The following MATN2 variants were observed in gnomAD, a reference collection of about 807,000 sequenced individuals.
MATN2 encodes the protein matrilin 2.
In MATN2, 69 loss-of-function variants were observed where a neutral mutation model predicts 103.2. The observed-to-expected ratio is 0.67, with a 90% CI of 0.55 to 0.82. The LOEUF (loss-of-function observed/expected upper bound fraction) is 0.82. MATN2 is among the 40% of genes least tolerant of loss of function. MATN2 has a pLI of 0.00. For synonymous variants in MATN2, 429 were observed against 450.2 expected, an observed-to-expected ratio of 0.95 and a Z score of 0.60; for missense variants, 1,023 against 1,211.5, an observed-to-expected ratio of 0.84 and a Z score of 2.31.
intron 2 of MATN2, among the ~76,000 whole-genome samples, chr8:97,920,366 C>T (rs1355815773): frequency 6.6e-6 from 1 of 152,130 alleles, no homozygotes; most frequent in East Asian, 1.9e-4. Flanking sequence ...CGCCACCATG[C>T]CTGGCTAATT....
chr8:97,937,305 C>G (rs1245108177), intron 3 of MATN2, among the ~76,000 whole-genome samples: 1 of 152,118 alleles, frequency 6.6e-6, no homozygotes, highest in Admixed American at 6.5e-5. Flanking sequence ...GGTGTCTGTA[C>G]TGAGGTCCCT....
intron 2 of MATN2, 35 bp downstream of exon 2, chr8:97,888,277 G>C (rs748507015): frequency 2.7e-6 from 4 of 1,479,212 alleles, no homozygotes; most frequent in Non-Finnish European, 3.6e-6. Context: ...AAGTGGGCAG[G>C]TGGGGGTGGT....
rs201014732 is a variant in MATN2 at position 98,007,205 on chromosome 8, C to A, written c.1428C>A (p.Asn476Lys). Residue 476 changes from asparagine (N) to lysine (K), a missense_variant, in exon 9 of 19, where the codon AAC becomes AAA. Coordinates refer to ENST00000254898, the MANE Select transcript of MATN2 (RefSeq NM_002380.5). This position sits in a 1 kb window ranked among gnomAD's most constrained non-coding sequence, Gnocchi z 4.2. ...AGTGCTCAGAAGGCTTCCTCATCAA[C>A]GAGGACCTCAAGACCTGCTCCCGTG... ...VCQCSEGFLI[N>K]EDLKTCSRVD... The A allele has an allele frequency of 3.1e-6, 5 of 1,613,898 alleles. No homozygotes were observed. Among genetic ancestry groups the A allele is most frequent in the South Asian group, 1.1e-5 (1 of 91,068 alleles).
At chr8:97,997,167 A>G (rs1206985827) in intron 7 of MATN2, among the ~76,000 whole-genome samples, 1 of 152,248 alleles carries the variant, frequency 6.6e-6, no homozygotes, top group Non-Finnish European at 1.5e-5. Flanking sequence ...ATGTGGGTTC[A>G]TCCCCTGTGC....
rs1810423770 is a variant in MATN2, at chr8:97,937,713, C to G, written c.713-4064C>G. 1.3e-5 allele frequency among the ~76,000 whole-genome samples: 2 copies of G among 151,588 alleles called. 1 individual carries two copies. Among genetic ancestry groups the G allele is most frequent in the Admixed American group, 1.3e-4 (2 of 15,202 alleles). On this transcript the variant is annotated intron_variant, in intron 3 of 18. Coordinates refer to ENST00000254898, the MANE Select transcript of MATN2 (RefSeq NM_002380.5). ...AAGCAATTCTCCTGCCTCAGCCTCC[C>G]AAGTAGCTGAGCCCACCACCATGCC...
At chr8:97,960,108 C>G (rs981952609) in intron 4 of MATN2, among the ~76,000 whole-genome samples, 2 of 152,124 alleles carry the variant, frequency 1.3e-5, no homozygotes, top group African/African-American at 4.8e-5. Flanking sequence ...AGGCGCGTGC[C>G]ACCACGCCAA....
Position 97,931,296 on chromosome 8 carries a change from A to G in MATN2, c.486A>G (p.Pro162=). The change falls in exon 3 of 19, where the codon CCA becomes CCG. Residue 162 remains proline (P), a synonymous_variant. Coordinates refer to ENST00000254898, the MANE Select transcript of MATN2 (RefSeq NM_002380.5). The surrounding 1 kb of genome is among the most constrained non-coding windows in gnomAD (Gnocchi z 4.1). ...EGARPLRENV[P]RVIMIVTDGR... is the part of the protein sequence containing the mutation. ...CCCGGCCCCTGAGGGAGAATGTGCC[A>G]CGGGTCATAATGATCGTGACAGATG... The G allele has an allele frequency of 1.2e-6, 2 of 1,613,926 alleles. No individual in the cohort carries two copies. The highest frequency in any genetic ancestry group is 1.7e-6 in the Non-Finnish European group (2 of 1,179,880).
chr8:97,942,310 G>T, intron 4 of MATN2, among the ~76,000 whole-genome samples: 1 of 152,238 alleles, frequency 6.6e-6, no homozygotes. Flanking sequence ...TGTTAACCTC[G>T]GCTGGGAGTG....
At chr8:97,977,822 C>T (rs918338113) in intron 5 of MATN2, among the ~76,000 whole-genome samples, 3 of 152,146 alleles carry the variant, frequency 2.0e-5, no homozygotes, top group African/African-American at 2.4e-5. Context: ...TCCTGGCCTT[C>T]GCACTTGCTG....
chr8:97,869,433 G>A (rs2129905461), intron 1 of MATN2, 146 bp downstream of exon 1: 1 of 135,936 alleles, frequency 7.4e-6, no homozygotes, highest in East Asian at 2.1e-4. Flanking sequence ...CCAGCGCCCC[G>A]GGGCCCCGGC....
intron 2 of MATN2, 41 bp from the exon 3 acceptor site, chr8:97,930,912 G>A (rs774355573): frequency 1.4e-6 from 2 of 1,433,754 alleles, no homozygotes. Flanking sequence ...CACCACACCT[G>A]GCCTCTCTTC....
intron 4 of MATN2, among the ~76,000 whole-genome samples, chr8:97,952,512 G>A (rs1810989265): frequency 6.6e-6 from 1 of 152,172 alleles, no homozygotes; most frequent in Non-Finnish European, 1.5e-5. Context: ...GCAGATGAAA[G>A]TTTCCAAGTT....
At chr8:98,020,364 T>G (rs1813543871) in intron 12 of MATN2, among the ~76,000 whole-genome samples, 1 of 152,202 alleles carries the variant, frequency 6.6e-6, no homozygotes, top group African/African-American at 2.4e-5. Flanking sequence ...CAGGCTGGTC[T>G]TGAACACCTG....
chr8:97,941,489 A>G (rs1399396960), intron 3 of MATN2, among the ~76,000 whole-genome samples: 1 of 152,154 alleles, frequency 6.6e-6, no homozygotes. Flanking sequence ...GGGTATTATT[A>G]AGTTGAATTG....
Position 98,007,009 on chromosome 8 carries a change from G to T in MATN2, c.1328-96G>T. ...TGGGGTAGAATGACACCTTCCCTGT[G>T]GCTTGTTATGCCTCCGGTTTTGTTT... On this transcript the variant is annotated intron_variant, in intron 8 of 18. Coordinates refer to ENST00000254898, the MANE Select transcript of MATN2 (RefSeq NM_002380.5). This position sits in a 1 kb window ranked among gnomAD's most constrained non-coding sequence, Gnocchi z 4.2. 4.5e-6 allele frequency: 6 copies of T among 1,339,362 alleles called. No homozygotes were observed. Among genetic ancestry groups the T allele is most frequent in the Admixed American group, 4.0e-5 (2 of 49,806 alleles). 83.0% of individuals were successfully genotyped at this position (1,339,362 alleles called of 1,614,324 possible).
rs374910589 is a variant in MATN2 at position 97,929,234 on chromosome 8, C to T, written c.143-1719C>T. Among the ~76,000 whole-genome samples, 66 of 152,310 alleles carry T rather than the reference C, an allele frequency of 4.3e-4. No individual in the cohort carries two copies. The South Asian group carries it at 0.013, about 31-fold the overall frequency. The stretch of plus-strand genomic sequence containing the variant: ...GACGAGTCACAGCCTGGCAAGCTGG[C>T]CTGGACAGGATGACTTCATGGGCCT... On this transcript the variant is annotated intron_variant, in intron 2 of 18. Transcript: ENST00000254898.
intron 5 of MATN2, 121 bp downstream of exon 5, chr8:97,961,651 C>A: frequency 8.5e-7 from 1 of 1,179,670 alleles, no homozygotes; most frequent in Non-Finnish European, 1.1e-6. Context: ...CCACAAAGTG[C>A]TCAGTTGTTT....
chr8:97,972,161 C>T (rs1246463672), intron 5 of MATN2, among the ~76,000 whole-genome samples: 1 of 151,318 alleles, frequency 6.6e-6, no homozygotes, highest in Non-Finnish European at 1.5e-5. Context: ...TGGACCAACA[C>T]CGTCTCTACC....
chr8:97,958,886 C>G (rs1277440600), intron 4 of MATN2, among the ~76,000 whole-genome samples: 1 of 152,154 alleles, frequency 6.6e-6, no homozygotes, highest in African/African-American at 2.4e-5. Context: ...ATGGTCTTTC[C>G]CATCCTCTCT....
Sources: gnomAD v4.1 joint callset for allele counts (sites outside exome capture counted in the v4.1 genomes callset) on GRCh38, gnomAD v4.1.1 for gene constraint, Gnocchi (gnomAD v3.1) non-coding constraint, MANE v1.5 for transcripts, NCBI Gene and HGNC (gene_info 2026-07-23, HGNC 2026-07-21) for gene names.